PDE7A: variants seen among roughly 807,000 people sequenced by gnomAD.
The protein encoded by PDE7A is phosphodiesterase 7A.
PDE7A carries 39 observed loss-of-function variants against 64.3 expected under a neutral mutation model. That is an observed-to-expected ratio of 0.61 (90% CI 0.47 to 0.79). The LOEUF is 0.79. Ranked by LOEUF, PDE7A falls within the 30% of genes least tolerant of loss-of-function variation. PDE7A has a pLI of 0.00. For missense variants in PDE7A, 470 were observed against 582.8 expected, an observed-to-expected ratio of 0.81 and a Z score of 1.99; for synonymous variants, 203 against 206.8, an observed-to-expected ratio of 0.98 and a Z score of 0.16.
At chr8:65,774,950 T>C (rs960071173) in intron 3 of PDE7A, among the ~76,000 whole-genome samples, 1 of 152,200 alleles carries the variant, frequency 6.6e-6, no homozygotes, top group Admixed American at 6.5e-5. Context: ...AGTATTACGA[T>C]GAAAATAGTT....
At chr8:65,838,542 A>T (rs1216704450) in intron 1 of PDE7A, 1 of 152,202 alleles carries the variant, frequency 6.6e-6, no homozygotes, top group South Asian at 2.1e-4. Context: ...AAGCTTGTCC[A>T]TTTCAGTTCA....
At chr8:65,727,079 GA>G in intron 8 of PDE7A, 90 bp downstream of exon 8, 3 of 1,020,264 alleles carry the variant, frequency 2.9e-6, no homozygotes, top group Non-Finnish European at 3.0e-6. Context: ...CATTCATTGA[GA>G]ATTTATTTTC....
intron 1 of PDE7A, among the ~76,000 whole-genome samples, chr8:65,838,949 T>C (rs1215270355): frequency 1.3e-5 from 2 of 152,240 alleles, no homozygotes; most frequent in Non-Finnish European, 2.9e-5. Context: ...CCTGGAATCG[T>C]TATGGTCTGC....
At chr8:65,720,409 C>T (rs1023066179) in intron 12 of PDE7A, 1 of 154,126 alleles carries the variant, frequency 6.5e-6, no homozygotes, top group Admixed American at 6.5e-5. Flanking sequence ...CCAAGACTCT[C>T]GTTGCAGCAA....
chr8:65,782,265 AAAAG>A (rs1809440259), intron 2 of PDE7A, among the ~76,000 whole-genome samples: 2 of 152,230 alleles, frequency 1.3e-5, no homozygotes, highest in Non-Finnish European at 2.9e-5. Context: ...GAAAAAGAGA[AAAAG>A]AAAATTAGAC....
rs1468403088 is a variant in PDE7A at position 65,841,968 on chromosome 8, C to CCGCCGT, written c.-461_-460insACGGCG. The CCGCCGT allele has an allele frequency of 4.9e-6, 1 of 205,754 alleles. No individual in the cohort carries two copies. The allele number at this position is 205,754 out of a possible 1,614,324, so 12.7% of individuals were successfully genotyped here. On this transcript the variant is annotated 5_prime_UTR_variant, in exon 1 of 13. Transcript: ENST00000401827. Reference sequence around the variant, plus strand: ...CAGGAGCAGCGACCAGCTCGGGCCGCCGCCGCCGCCGCCGCCGCCGCCGCC... The same window carrying CCGCCGT: ...CAGGAGCAGCGACCAGCTCGGGCCGCCGCCGTCGCCGCCGCCGCCGCCGCCGCCGCC...
intron 1 of PDE7A, among the ~76,000 whole-genome samples, chr8:65,810,750 C>T (rs1387540637): frequency 6.6e-6 from 1 of 152,000 alleles, no homozygotes; most frequent in Non-Finnish European, 1.5e-5. Context: ...TATAAATACT[C>T]CTAATATTCA....
intron 1 of PDE7A, among the ~76,000 whole-genome samples, chr8:65,836,449 T>C (rs970602091): frequency 2.0e-5 from 3 of 152,172 alleles, no homozygotes; most frequent in Non-Finnish European, 4.4e-5. Context: ...TGATTGGAGA[T>C]GAAACAGACA....
intron 1 of PDE7A, among the ~76,000 whole-genome samples, chr8:65,809,203 G>A (rs1201999706): frequency 2.0e-5 from 3 of 152,080 alleles, no homozygotes; most frequent in Non-Finnish European, 4.4e-5. Flanking sequence ...AGTATATGAA[G>A]ACTATCAAAT....
chr8:65,746,884 A>G (rs2128906304), intron 4 of PDE7A, among the ~76,000 whole-genome samples: 1 of 152,330 alleles, frequency 6.6e-6, no homozygotes, highest in Non-Finnish European at 1.5e-5. Flanking sequence ...CTTTACCTAC[A>G]CAACTTAAAA....
Position 65,788,018 on chromosome 8 carries a change from C to G in PDE7A, c.139-5175G>C, listed in dbSNP as rs552223207. On this transcript the variant is annotated intron_variant, in intron 1 of 12. Transcript: ENST00000401827. ...AATCATATTCACTAAGAAAAGAAGA[C>G]CAAGAGATAATTATGCTTAAAACAT... is the stretch of plus-strand genomic sequence containing the variant. Among the ~76,000 whole-genome samples the G allele has an allele frequency of 1.8e-3, 279 of 152,076 alleles. 2 individuals carry two copies. Among genetic ancestry groups the G allele is most frequent in the African/African-American group, 6.6e-3 (274 of 41,494 alleles).
intron 1 of PDE7A, among the ~76,000 whole-genome samples, chr8:65,791,372 A>G (rs187653782): frequency 5.7e-4 from 87 of 152,314 alleles, no homozygotes; most frequent in Middle Eastern, 6.8e-3. Context: ...ACGAACAGCT[A>G]GCTCGTAGTG....
chr8:65,790,143 A>C (rs1809662062), intron 1 of PDE7A, among the ~76,000 whole-genome samples: 1 of 152,168 alleles, frequency 6.6e-6, no homozygotes, highest in African/African-American at 2.4e-5. Context: ...GTGAGACAAA[A>C]CCAAGCCAAG....
chr8:65,723,317 A>C (rs1232600312), intron 12 of PDE7A: 1 of 305,034 alleles, frequency 3.3e-6, no homozygotes, highest in East Asian at 6.4e-5. Context: ...AACAGAAACA[A>C]GTTATTGCTG....
intron 1 of PDE7A, among the ~76,000 whole-genome samples, chr8:65,786,587 T>C (rs1809564454): frequency 6.6e-6 from 1 of 152,138 alleles, no homozygotes; most frequent in South Asian, 2.1e-4. Flanking sequence ...CTGCTGCAAA[T>C]GTAAAAAAGA....
chr8:65,790,624 T>C (rs1353462246), intron 1 of PDE7A, among the ~76,000 whole-genome samples: 5 of 152,210 alleles, frequency 3.3e-5, no homozygotes, highest in African/African-American at 1.2e-4. Flanking sequence ...GAAGTGCAAA[T>C]TAAATTTATA....
chr8:65,724,196 T>A, intron 11 of PDE7A, 59 bp downstream of exon 11: 1 of 1,044,486 alleles, frequency 9.6e-7, no homozygotes, highest in Non-Finnish European at 1.5e-6. Context: ...ATTTTATTCT[T>A]ACGATGTTAA....
chr8:65,831,032 T>C (rs1810805975), intron 1 of PDE7A, among the ~76,000 whole-genome samples: 1 of 152,094 alleles, frequency 6.6e-6, no homozygotes, highest in Non-Finnish European at 1.5e-5. Context: ...TCATATACAT[T>C]TAAAATTGTG....
intron 7 of PDE7A, chr8:65,728,032 T>A (rs1216959911): frequency 6.6e-6 from 1 of 152,246 alleles, no homozygotes; most frequent in Non-Finnish European, 1.5e-5. Context: ...GACTATATCA[T>A]CTGCTTTTCA....
Sources: allele counts gnomAD v4.1 joint callset (sites outside exome capture counted in the v4.1 genomes callset), GRCh38; gene constraint gnomAD v4.1.1; transcripts MANE v1.5; gene names NCBI Gene and HGNC (gene_info 2026-07-23, HGNC 2026-07-21).